The following PSD3 variants were observed in gnomAD, a reference collection of about 807,000 sequenced individuals.
PSD3 encodes PH and SEC7 domain-containing protein 3.
In PSD3, 49 loss-of-function variants were observed where a neutral mutation model predicts 105.5. The observed-to-expected ratio is 0.46, with a 90% CI of 0.37 to 0.59. PSD3 has a LOEUF of 0.59. Ranked by LOEUF, PSD3 falls within the 20% of genes least tolerant of loss-of-function variation. PSD3 has a pLI of 0.00. For synonymous variants in PSD3, 557 were observed against 457.8 expected (o/e 1.22, Z -2.77); for missense variants, 1,561 against 1,263.8 (o/e 1.24, Z -3.57).
chr8:18,791,996 A>T (rs1273540762), intron 8 of PSD3, among the ~76,000 whole-genome samples: 1 of 152,218 alleles, frequency 6.6e-6, no homozygotes, highest in Admixed American at 6.5e-5. Context: ...AATATCGCAA[A>T]TCAAAACCAC....
At chr8:18,584,643 C>A (rs917406414) in intron 12 of PSD3, among the ~76,000 whole-genome samples, 1 of 152,214 alleles carries the variant, frequency 6.6e-6, no homozygotes, top group Non-Finnish European at 1.5e-5. Context: ...CTCAGGCAAT[C>A]TGCCAAGCCG....
chr8:19,068,900 G>T (rs559670120), intron 1 of PSD3, among the ~76,000 whole-genome samples: 1 of 152,168 alleles, frequency 6.6e-6, no homozygotes, highest in East Asian at 1.9e-4. Flanking sequence ...TTCCTTTCAA[G>T]GGGTGGCCTG....
chr8:19,055,528 C>T (rs334214), intron 1 of PSD3, among the ~76,000 whole-genome samples: 144,275 of 152,250 alleles, frequency 0.95, 68,793 homozygotes, highest in Non-Finnish European at 1. Flanking sequence ...GCTGGGATTA[C>T]AGGCGTGAGC....
intron 1 of PSD3, among the ~76,000 whole-genome samples, chr8:18,951,472 A>G (rs1823231627): frequency 6.6e-6 from 1 of 152,024 alleles, no homozygotes; most frequent in African/African-American, 2.4e-5. Flanking sequence ...ACAAAACCCA[A>G]TCCTCTAGGG....
chr8:18,819,967 C>A (rs1019368924), intron 4 of PSD3, among the ~76,000 whole-genome samples: 8 of 152,178 alleles, frequency 5.3e-5, no homozygotes, highest in African/African-American at 1.9e-4. Flanking sequence ...CAAAATTATA[C>A]TGTTGGTTTA....
chr8:18,937,576 C>T (rs1822223169), intron 1 of PSD3, among the ~76,000 whole-genome samples: 1 of 152,210 alleles, frequency 6.6e-6, no homozygotes, highest in Non-Finnish European at 1.5e-5. Flanking sequence ...GCGTGCACAA[C>T]ATTCAGACAG....
At chr8:18,705,399 C>T (rs960683730) in intron 9 of PSD3, among the ~76,000 whole-genome samples, 3 of 151,752 alleles carry the variant, frequency 2.0e-5, no homozygotes, top group African/African-American at 4.8e-5. Context: ...GGTGTGGTGT[C>T]GTGTGCCTGT....
rs142820917 is a variant in PSD3, at chr8:18,927,438, T to C, written c.130+8596A>G. 2.3e-3 allele frequency among the ~76,000 whole-genome samples: 344 copies of C among 152,242 alleles called. 1 individual carries two copies. The highest frequency in any genetic ancestry group is 7.9e-3 in the African/African-American group (326 of 41,528). On this transcript the variant is annotated intron_variant, in intron 2 of 15. Transcript: ENST00000327040. ...CACGTTGGTCAAGTTGGTCTCGAGC[T>C]CCTGACCTCGTGATCCACCCTCCTC...
intron 12 of PSD3, among the ~76,000 whole-genome samples, chr8:18,585,102 C>T (rs955341339): frequency 1.3e-5 from 2 of 152,138 alleles, no homozygotes; most frequent in Non-Finnish European, 2.9e-5. Flanking sequence ...CCTTGCCTGG[C>T]ACTAGTGCTA....
chr8:18,778,533 T>C (rs1449521592), intron 8 of PSD3, among the ~76,000 whole-genome samples: 1 of 152,146 alleles, frequency 6.6e-6, no homozygotes, highest in African/African-American at 2.4e-5. Context: ...TATCTTGTTT[T>C]AGTTCTTAGA....
intron 4 of PSD3, among the ~76,000 whole-genome samples, chr8:18,844,921 A>G (rs375474588): frequency 4.6e-5 from 7 of 152,338 alleles, no homozygotes; most frequent in East Asian, 1.9e-4. Context: ...AGCTGGTTAC[A>G]ATGATCAGTT....
intron 1 of PSD3, among the ~76,000 whole-genome samples, chr8:18,944,893 A>C (rs1586492759): frequency 6.6e-6 from 1 of 152,176 alleles, no homozygotes; most frequent in East Asian, 1.9e-4. Flanking sequence ...ACGCCACAGA[A>C]TGTTCCATGC....
chr8:18,727,185 A>G (rs1186374393), intron 9 of PSD3, among the ~76,000 whole-genome samples: 2 of 151,870 alleles, frequency 1.3e-5, no homozygotes, highest in Non-Finnish European at 2.9e-5. Context: ...AAAATACAAA[A>G]AACTACCTGG....
intron 2 of PSD3, among the ~76,000 whole-genome samples, chr8:18,910,827 C>A (rs113634696): frequency 2.0e-5 from 3 of 151,590 alleles, no homozygotes; most frequent in African/African-American, 7.3e-5. Flanking sequence ...AGAAATTGTG[C>A]CTTCAAATGG....
intron 8 of PSD3, among the ~76,000 whole-genome samples, chr8:18,790,734 G>A (rs139320021): frequency 1.3e-5 from 2 of 152,196 alleles, no homozygotes; most frequent in African/African-American, 4.8e-5. Context: ...CTCTGCAACT[G>A]TGAGATCTAG....
At chr8:18,969,727 C>G (rs986915163) in intron 1 of PSD3, among the ~76,000 whole-genome samples, 1 of 152,122 alleles carries the variant, frequency 6.6e-6, no homozygotes, top group African/African-American at 2.4e-5. Flanking sequence ...TTCCTGTAAA[C>G]ATACCTGTAA....
intron 11 of PSD3, among the ~76,000 whole-genome samples, chr8:18,623,172 A>C (rs553757909): frequency 6.6e-6 from 1 of 152,226 alleles, no homozygotes; most frequent in Non-Finnish European, 1.5e-5. Flanking sequence ...GGCGTGAGCC[A>C]CTGTGTCTGG....
intron 1 of PSD3, among the ~76,000 whole-genome samples, chr8:19,047,163 C>G (rs1383874976): frequency 6.6e-6 from 1 of 152,178 alleles, no homozygotes; most frequent in East Asian, 1.9e-4. Flanking sequence ...AGAGCCTCGG[C>G]AGAGAAATTC....
At chr8:18,590,103 C>G (rs1803484109) in intron 12 of PSD3, among the ~76,000 whole-genome samples, 1 of 151,772 alleles carries the variant, frequency 6.6e-6, no homozygotes, top group Non-Finnish European at 1.5e-5. Flanking sequence ...AATATAAAGT[C>G]CTTTAAATAA....
Sources: gnomAD v4.1 joint callset for allele counts (sites outside exome capture counted in the v4.1 genomes callset) on GRCh38, gnomAD v4.1.1 for gene constraint, MANE v1.5 for transcripts, NCBI Gene and HGNC (gene_info 2026-07-23, HGNC 2026-07-21) for gene names.